Variants in TNNT2 observed in about 807,000 individuals in gnomAD.
The protein encoded by TNNT2 is troponin T2, cardiac type.
Under a neutral mutation model 62.4 loss-of-function variants are expected in TNNT2, and 34 were observed. The observed-to-expected ratio is 0.54, with a 90% CI of 0.41 to 0.72. The LOEUF (loss-of-function observed/expected upper bound fraction) is 0.72. Ranked by LOEUF, TNNT2 falls within the 30% of genes least tolerant of loss-of-function variation. The pLI is 0.00. For synonymous variants in TNNT2, 123 were observed against 127.2 expected (o/e 0.97, Z 0.22); for missense variants, 275 against 381.9 (o/e 0.72, Z 2.33).
chr1:201,361,662 C>T (rs893562932), intron 14 of TNNT2, among the ~76,000 whole-genome samples: 19 of 152,270 alleles, frequency 1.2e-4, no homozygotes, highest in African/African-American at 4.6e-4. Flanking sequence ...TGTCCTGACA[C>T]CCGTGTGCAG....
chr1:201,370,469 A>G (rs1214194158), intron 4 of TNNT2, among the ~76,000 whole-genome samples: 1 of 152,230 alleles, frequency 6.6e-6, no homozygotes, highest in East Asian at 1.9e-4. Flanking sequence ...AAGAGGCTGC[A>G]TCTACAACAG....
rs906550884 is a variant in TNNT2 at position 201,366,148 on chromosome 1, C to T, written c.234-478G>A. The T allele has an allele frequency of 3.7e-5, 40 of 1,069,948 alleles. 1 individual carries two copies. Among genetic ancestry groups the T allele is most frequent in the Non-Finnish European group, 4.1e-5 (36 of 881,172 alleles). The allele number at this position is 1,069,948 out of a possible 1,614,324, so 66.3% of individuals were successfully genotyped here. ...CTCTGATTCTTCATGTCCCCATCTGCCCTCAGGTGTGTGGAGCTGAAATGA... is the reference window on the plus strand; with the variant it reads ...CTCTGATTCTTCATGTCCCCATCTGTCCTCAGGTGTGTGGAGCTGAAATGA... On this transcript the variant is annotated intron_variant, in intron 8 of 16. Transcript: ENST00000656932.
At chr1:201,373,332 T>G (rs915445695) in intron 1 of TNNT2, 64 bp from the exon 2 acceptor site, 12 of 1,428,210 alleles carry the variant, frequency 8.4e-6, no homozygotes, top group Non-Finnish European at 1.2e-5. Flanking sequence ...AGAAGAGCTC[T>G]GGCCCCCGTT....
At chr1:201,369,709 G>C in intron 5 of TNNT2, 107 bp downstream of exon 5, 2 of 1,394,544 alleles carry the variant, frequency 1.4e-6, no homozygotes, top group Non-Finnish European at 2.0e-6. Context: ...CTCCGTCCCT[G>C]CCGCCTACTC....
rs45580032 is a variant in TNNT2, at chr1:201,368,150, C to T, written c.163+12G>A. 2.9e-3 allele frequency: 4,620 copies of T among 1,614,044 alleles called. 105 individuals carry two copies. The African/African-American group carries it at 0.053, about 19-fold the overall frequency. ...CCCCCTGAGGCCCCTGCACCCTCAACCAGAGACTTACCTTCTGCCCTGGTC... is the reference window on the plus strand; with the variant it reads ...CCCCCTGAGGCCCCTGCACCCTCAATCAGAGACTTACCTTCTGCCCTGGTC... On this transcript the variant is annotated intron_variant, in intron 6 of 16. Transcript: ENST00000656932.
rs1571645597 is a variant in TNNT2, at chr1:201,367,821, A to G, written c.164-15T>C. On this transcript the variant is annotated splice_polypyrimidine_tract_variant and intron_variant, in intron 6 of 16. Transcript: ENST00000656932. ...TTCTTCATCTTCTAAATGAAACACG[A>G]GAAATCAATCAAGGTCCTTGTTCTG... 5 of 1,614,140 alleles carry G rather than the reference A, an allele frequency of 3.1e-6. No homozygotes were observed. The highest frequency in any genetic ancestry group is 4.2e-6 in the Non-Finnish European group (5 of 1,180,014).
intron 15 of TNNT2, chr1:201,360,679 T>A (rs1658443470): frequency 6.4e-6 from 1 of 156,792 alleles, no homozygotes; most frequent in African/African-American, 2.4e-5. Flanking sequence ...AGCTGAATTC[T>A]TCCCTTAGGT....
rs1165027087 is a variant in TNNT2 at position 201,359,055 on chromosome 1, TG to T, written c.*154del. ...TTTTATTACTGGTGTGGAGTGGGTG[TG>T]GGGGCAGGCAGGAGTGGTGGCTCCC... is the stretch of plus-strand genomic sequence containing the variant. On this transcript the variant is annotated 3_prime_UTR_variant, in exon 17 of 17. Transcript: ENST00000656932. The T allele has an allele frequency of 1.2e-6, 1 of 848,962 alleles. No homozygotes were observed. The highest frequency in any genetic ancestry group is 1.9e-6 in the Non-Finnish European group (1 of 515,860). 52.6% of individuals were successfully genotyped at this position (848,962 alleles called of 1,614,324 possible).
chr1:201,360,924 G>T (rs144258065), intron 15 of TNNT2: 2 of 380,870 alleles, frequency 5.3e-6, no homozygotes, highest in East Asian at 6.5e-5. Context: ...GCACCTCTCT[G>T]TTGGCAGCAC....
chr1:201,361,465 TC>T (rs1201839383), intron 14 of TNNT2, 96 bp from the exon 15 acceptor site: 1 of 1,183,364 alleles, frequency 8.5e-7, no homozygotes, highest in African/African-American at 1.5e-5. Flanking sequence ...ATCCCAGCCC[TC>T]CTTCCCACCT....
chr1:201,369,033 G>A (rs755870849), intron 5 of TNNT2, among the ~76,000 whole-genome samples: 21 of 152,280 alleles, frequency 1.4e-4, no homozygotes, highest in Non-Finnish European at 2.6e-4. Context: ...TCTAGAAAGT[G>A]TGAAAGCAGA....
At chr1:201,361,166 G>A (rs1374831480) in intron 15 of TNNT2, 113 bp downstream of exon 15, 35 of 981,850 alleles carry the variant, frequency 3.6e-5, no homozygotes, top group Admixed American at 1.4e-4. Context: ...GCTGAAGGGG[G>A]CTGTTGGGGA....
chr1:201,368,312 G>T, intron 5 of TNNT2, 85 bp from the exon 6 acceptor site: 1 of 1,401,592 alleles, frequency 7.1e-7, no homozygotes, highest in Non-Finnish European at 1.0e-6. Flanking sequence ...GGGCAGCGGG[G>T]AGTGGGGATG....
At chr1:201,361,858 C>CT (rs1658704381) in intron 14 of TNNT2, 55 bp downstream of exon 14, 1 of 1,526,782 alleles carries the variant, frequency 6.5e-7, no homozygotes, top group Non-Finnish European at 9.1e-7. Context: ...CTTGGCCCGA[C>CT]CCCTCCCAGA....
rs1484140435 is a variant in TNNT2 at position 201,365,832 on chromosome 1, A to T, written c.234-162T>A. 3 of 1,517,036 alleles carry T rather than the reference A, an allele frequency of 2.0e-6. No individual in the cohort carries two copies. In the African/African-American group the frequency reaches 4.1e-5, roughly 21 times the overall value. The allele number at this position is 1,517,036 out of a possible 1,614,324, so 94.0% of individuals were successfully genotyped here. On this transcript the variant is annotated intron_variant, in intron 8 of 16. Coordinates refer to ENST00000656932, the MANE Select transcript of TNNT2 (RefSeq NM_001276345.2). ...ACTGACGTCAACAATGGCAGTCCTCAGCCTTGCTCAGCACCTGGGAATACA... is the reference window on the plus strand; with the variant it reads ...ACTGACGTCAACAATGGCAGTCCTCTGCCTTGCTCAGCACCTGGGAATACA...
At position 201,362,268 on chromosome 1, in the gene TNNT2, C is replaced by T. The variant is rs551104767; in HGVS notation, c.609+118G>A. 8.6e-4 allele frequency: 1,295 copies of T among 1,505,778 alleles called. 1 individual carries two copies. The highest frequency in any genetic ancestry group is 1.1e-3 in the Admixed American group (56 of 51,432). The allele number at this position is 1,505,778 out of a possible 1,614,324, so 93.3% of individuals were successfully genotyped here. A position where few individuals can be genotyped will look rare whatever the true frequency, so the allele number is the denominator to read the frequency against. On this transcript the variant is annotated intron_variant, in intron 13 of 16. Transcript: ENST00000656932. ...AATCTCTTTCACCTCTCACCAGCTT[C>T]CCCCCTCCCCAGCCAGCCCAATCTC...
Position 201,359,264 on chromosome 1 carries a change from G to C in TNNT2, c.852-9C>G, listed in dbSNP as rs1331994708. On this transcript the variant is annotated splice_polypyrimidine_tract_variant and intron_variant, in intron 16 of 16. Coordinates refer to ENST00000656932, the MANE Select transcript of TNNT2 (RefSeq NM_001276345.2). ...TCCCGCGGGTCTTGGAGCTGCAGGG[G>C]AAGCAGGACGCAGTGACATGGAGAC... 1 of 1,610,254 alleles carries C rather than the reference G, an allele frequency of 6.2e-7. No homozygotes were observed. The highest frequency in any genetic ancestry group is 1.3e-5 in the African/African-American group (1 of 74,914).
At chr1:201,361,491 G>C in intron 14 of TNNT2, 122 bp from the exon 15 acceptor site, 1 of 977,282 alleles carries the variant, frequency 1.0e-6, no homozygotes, top group African/African-American at 1.6e-5. Context: ...GCCTGCCAAG[G>C]GTACCCCAGC....
chr1:201,375,299 C>T (rs562765144), intron 1 of TNNT2: 2 of 152,350 alleles, frequency 1.3e-5, no homozygotes, highest in East Asian at 3.9e-4. Context: ...AGACCCTGTT[C>T]CCATTATGTC....
Sources: allele counts gnomAD v4.1 joint callset (sites outside exome capture counted in the v4.1 genomes callset), GRCh38; gene constraint gnomAD v4.1.1; transcripts MANE v1.5; gene names NCBI Gene and HGNC (gene_info 2026-07-23, HGNC 2026-07-21).